BAIAP2L2: variants seen among roughly 807,000 people sequenced by gnomAD.
BAIAP2L2 encodes the protein BAR/IMD domain containing adaptor protein 2 like 2, also known as BAR/IMD domain-containing adapter protein 2-like 2.
A neutral mutation model predicts 60.4 loss-of-function variants in BAIAP2L2; 65 were observed. That is an observed-to-expected ratio of 1.08 (90% CI 0.88 to 1.32). The LOEUF (loss-of-function observed/expected upper bound fraction) is 1.32. BAIAP2L2 is among the 40% of genes most tolerant of loss of function. The pLI, the probability that BAIAP2L2 is intolerant of heterozygous loss-of-function variation, is 0.00. For synonymous variants in BAIAP2L2, 344 were observed against 301.7 expected, an observed-to-expected ratio of 1.14 and a Z score of -1.45; for missense variants, 836 against 741.2, an observed-to-expected ratio of 1.13 and a Z score of -1.48.
intron 10 of BAIAP2L2, among the ~76,000 whole-genome samples, chr22:38,087,863 C>A (rs1225688569): frequency 1.3e-5 from 2 of 151,354 alleles, no homozygotes; most frequent in Non-Finnish European, 2.9e-5. Context: ...TGCGCATCCT[C>A]CCATGTCCCT....
chr22:38,088,902 C>T lies in BAIAP2L2; in HGVS notation c.964G>A (p.Gly322Ser). Residue 322 changes from glycine (G) to serine (S), a missense_variant, in exon 10 of 14, where the codon GGC becomes AGC. Transcript: ENST00000381669. Reference protein sequence around the residue: ...RSNSFGERPGGGGGARRVRAL... With the variant: ...RSNSFGERPGSGGGARRVRAL... The stretch of plus-strand genomic sequence containing the variant: ...CGGACTCTCCTGGCGCCCCCGCCGC[C>T]GCCCGGGCGCTCGCCAAAGGAGTTG... The T allele has an allele frequency of 6.4e-7, 1 of 1,565,450 alleles. No homozygotes were observed. Among genetic ancestry groups the T allele is most frequent in the Non-Finnish European group, 8.6e-7 (1 of 1,163,486 alleles).
intron 10 of BAIAP2L2, among the ~76,000 whole-genome samples, 200 bp from the exon 11 acceptor site, chr22:38,087,464 G>A (rs1279561333): frequency 6.6e-6 from 1 of 152,120 alleles, no homozygotes; most frequent in Non-Finnish European, 1.5e-5. Flanking sequence ...TTCCCTAACA[G>A]GCTATGTGAG....
rs745773152 is a variant in BAIAP2L2 at position 38,097,099 on chromosome 22, C to T, written c.545G>A (p.Arg182Gln). Residue 182 changes from arginine (R) to glutamine (Q), a missense_variant, in exon 7 of 14, where the codon CGG becomes CAG. Physicochemically the swap from Arg to Gln is conservative, Grantham distance 43 (BLOSUM62 1). Transcript: ENST00000381669. ...CTTCTCTGCTAGGAAGCGATAGCGC[C>T]GCTTCTCTTCCAATTCAGCCGCCCG... is the stretch of plus-strand genomic sequence containing the variant. ...SQRAAELEEK[R>Q]RYRFLAEKHL... 6.2e-7 allele frequency: 1 copy of T among 1,614,092 alleles called. No homozygotes were observed. Among genetic ancestry groups the T allele is most frequent in the South Asian group, 1.1e-5 (1 of 91,084 alleles).
At chr22:38,109,309 C>T in intron 1 of BAIAP2L2, 101 bp from the exon 2 acceptor site, 1 of 925,434 alleles carries the variant, frequency 1.1e-6, no homozygotes, top group Non-Finnish European at 1.7e-6. Context: ...CAGGGCACCC[C>T]CAGCCCAGTG....
intron 2 of BAIAP2L2, 39 bp downstream of exon 2, chr22:38,109,094 G>A (rs983256238): frequency 1.3e-6 from 2 of 1,548,778 alleles, no homozygotes; most frequent in Non-Finnish European, 1.8e-6. Context: ...AACAGCAGAG[G>A]CCCAGGGCTG....
chr22:38,085,349 T>C lies in BAIAP2L2; in HGVS notation c.1541A>G (p.Lys514Arg), dbSNP rs749883523. The C allele has an allele frequency of 1.2e-6, 2 of 1,613,904 alleles. No homozygotes were observed. Among genetic ancestry groups the C allele is most frequent in the South Asian group, 1.1e-5 (1 of 91,082 alleles). ...GTCATTGGTGATGGTGGGACGAAGC[T>C]TGACAGTGGCAAAAGGATTTGTGCC... ...PRGTNPFATV[K>R]LRPTITNDRS... The change falls in exon 14 of 14, where the codon AAG (lysine) becomes AGG (arginine). Residue 514 changes from lysine (K) to arginine (R), a missense_variant. Lys to Arg is a conservative substitution (Grantham distance 26). Coordinates refer to ENST00000381669, the MANE Select transcript of BAIAP2L2 (RefSeq NM_025045.6).
chr22:38,085,379 TAGG>T lies in BAIAP2L2; in HGVS notation c.1515-7_1515-5del, dbSNP rs961425552. The T allele has an allele frequency of 6.2e-7, 1 of 1,613,120 alleles. No individual in the cohort carries two copies. The highest frequency in any genetic ancestry group is 1.3e-5 in the African/African-American group (1 of 74,824). On this transcript the variant is annotated splice_polypyrimidine_tract_variant and splice_region_variant and intron_variant, in intron 13 of 13. Transcript: ENST00000381669. ...AGTGGCAAAAGGATTTGTGCCCCTG[TAGG>T]AGGAGAGAGAGAATGGGGTGAGAAG...
In BAIAP2L2 at chr22:38,085,021, A is replaced by G; in HGVS notation, c.*279T>C. ...GGGGCAGAAAAGGGGGAAAGAGGTT[A>G]GGGGGCAAGAGGTGGGCCCCCCAGG... On this transcript the variant is annotated 3_prime_UTR_variant, in exon 14 of 14. Transcript: ENST00000381669. The G allele has an allele frequency of 2.4e-6, 1 of 419,098 alleles. No individual in the cohort carries two copies. The highest frequency in any genetic ancestry group is 2.6e-5 in the South Asian group (1 of 38,596). The allele number at this position is 419,098 out of a possible 1,614,324, so 26.0% of individuals were successfully genotyped here.
Position 38,088,983 on chromosome 22 carries a change from G to T in BAIAP2L2, c.902-19C>A. ...AGCGAGGCTGTGGGCGGGAGAGCGC[G>T]GCGGCACGTGGGCAGGAAGTTCTTC... On this transcript the variant is annotated intron_variant, in intron 9 of 13. Transcript: ENST00000381669. The T allele has an allele frequency of 6.7e-7, 1 of 1,486,216 alleles. No individual in the cohort carries two copies. The highest frequency in any genetic ancestry group is 1.4e-5 in the African/African-American group (1 of 70,108). The allele number at this position is 1,486,216 out of a possible 1,614,324, so 92.1% of individuals were successfully genotyped here. A position where few individuals can be genotyped will look rare whatever the true frequency, so the allele number is the denominator to read the frequency against.
chr22:38,098,549 G>T, intron 4 of BAIAP2L2, 67 bp from the exon 5 acceptor site: 1 of 1,335,268 alleles, frequency 7.5e-7, no homozygotes, highest in Non-Finnish European at 1.1e-6. Context: ...GCACCCCCTT[G>T]CACTTTCTGC....
intron 1 of BAIAP2L2, among the ~76,000 whole-genome samples, chr22:38,109,928 T>G (rs896342507): frequency 2.7e-5 from 4 of 148,988 alleles, no homozygotes; most frequent in East Asian, 2.1e-4. Flanking sequence ...GGCCTCCAGG[T>G]GAAAGGGTCC....
chr22:38,108,254 C>A lies in BAIAP2L2; in HGVS notation c.214+1G>T. ...GGTCTGCTGTGGAGGGGGAGCCTCA[C>A]CCAGAATCTGTGAGGTGGGGCTCTG... On this transcript the variant is annotated splice_donor_variant, in intron 3 of 13. Coordinates refer to ENST00000381669, the MANE Select transcript of BAIAP2L2 (RefSeq NM_025045.6). LOFTEE classifies it high-confidence loss of function. The A allele has an allele frequency of 3.1e-6, 5 of 1,612,004 alleles. No homozygotes were observed. Among genetic ancestry groups the A allele is most frequent in the Middle Eastern group, 1.7e-4 (1 of 6,048 alleles).
intron 6 of BAIAP2L2, 124 bp from the exon 7 acceptor site, chr22:38,097,302 C>G: frequency 1.9e-6 from 2 of 1,076,354 alleles, no homozygotes; most frequent in East Asian, 2.6e-5. Flanking sequence ...AAGCCCACCC[C>G]CCATCACCCG....
chr22:38,093,967 T>C, intron 7 of BAIAP2L2: 1 of 456,556 alleles, frequency 2.2e-6, no homozygotes, highest in East Asian at 6.9e-5. Context: ...AACATCTGAG[T>C]AAATACATCG....
intron 6 of BAIAP2L2, 59 bp downstream of exon 6, chr22:38,098,004 C>T: frequency 4.1e-6 from 2 of 485,748 alleles, no homozygotes; most frequent in Non-Finnish European, 5.9e-6. Flanking sequence ...GGCCCGGTCT[C>T]GCCCCGAGGT....
Position 38,085,370 on chromosome 22 carries a change from G to A in BAIAP2L2, c.1520C>T (p.Thr507Ile). The change falls in exon 14 of 14, where the codon ACA becomes ATA. Residue 507 changes from threonine (T) to isoleucine (I), a missense_variant. Physicochemically the swap from Thr to Ile is moderately conservative, Grantham distance 89. Transcript: ENST00000381669. Reference protein sequence around the residue: ...YPPQELFPRGTNPFATVKLRP... With the variant: ...YPPQELFPRGINPFATVKLRP... ...AAGCTTGACAGTGGCAAAAGGATTTGTGCCCCTGTAGGAGGAGAGAGAGAA... is the reference window on the plus strand; with the variant it reads ...AAGCTTGACAGTGGCAAAAGGATTTATGCCCCTGTAGGAGGAGAGAGAGAA... 1.9e-6 allele frequency: 3 copies of A among 1,613,768 alleles called. No individual in the cohort carries two copies. The highest frequency in any genetic ancestry group is 2.5e-6 in the Non-Finnish European group (3 of 1,179,726).
intron 4 of BAIAP2L2, among the ~76,000 whole-genome samples, chr22:38,106,724 C>A (rs540697821): frequency 4.6e-5 from 7 of 152,288 alleles, no homozygotes; most frequent in African/African-American, 1.7e-4. Context: ...TCAGCCCCTG[C>A]GCCCAAGCCC....
chr22:38,086,186 GCT>G, intron 12 of BAIAP2L2, 54 bp downstream of exon 12: 1 of 1,550,918 alleles, frequency 6.4e-7, no homozygotes, highest in Non-Finnish European at 8.8e-7. Flanking sequence ...CGGGATCCCT[GCT>G]CTCCTGCCTC....
chr22:38,097,085 G>A lies in BAIAP2L2; in HGVS notation c.559C>T (p.Leu187=). The stretch of plus-strand genomic sequence containing the variant: ...GAAAGTAGCAGGTGCTTCTCTGCTA[G>A]GAAGCGATAGCGCCGCTTCTCTTCC... ...ELEEKRRYRF[L]AEKHLLLSNT... Residue 187 remains leucine, a synonymous_variant, in exon 7 of 14, where the codon CTA becomes TTA. Coordinates refer to ENST00000381669, the MANE Select transcript of BAIAP2L2 (RefSeq NM_025045.6). The A allele has an allele frequency of 6.2e-7, 1 of 1,614,120 alleles. No homozygotes were observed. Among genetic ancestry groups the A allele is most frequent in the Non-Finnish European group, 8.5e-7 (1 of 1,180,014 alleles).
Sources: allele counts gnomAD v4.1 joint callset (sites outside exome capture counted in the v4.1 genomes callset), GRCh38; gene constraint gnomAD v4.1.1; transcripts MANE v1.5; gene names NCBI Gene and HGNC (gene_info 2026-07-23, HGNC 2026-07-21).